RAPGEF5: variants seen among roughly 807,000 people sequenced by gnomAD.
The protein encoded by RAPGEF5 is Rap guanine nucleotide exchange factor 5.
A neutral mutation model predicts 125.2 loss-of-function variants in RAPGEF5; 65 were observed. That is an observed-to-expected ratio of 0.52 (90% confidence interval 0.43 to 0.64). The LOEUF (loss-of-function observed/expected upper bound fraction) is 0.64, where lower values mean the gene tolerates loss of function less well. RAPGEF5 is among the 30% of genes least tolerant of loss of function. The pLI is 0.00. For synonymous variants in RAPGEF5, 391 were observed against 385.9 expected (o/e 1.01, Z -0.16); for missense variants, 958 against 1,048.1 (o/e 0.91, Z 1.19).
At chr7:22,243,849 G>A (rs187161428) in intron 7 of RAPGEF5, among the ~76,000 whole-genome samples, 87 of 152,140 alleles carry the variant, frequency 5.7e-4, no homozygotes, top group Middle Eastern at 3.4e-3. Flanking sequence ...TATAGTCACC[G>A]TGCTGTGCAA....
At chr7:22,268,115 T>C (rs1782327868) in intron 6 of RAPGEF5, among the ~76,000 whole-genome samples, 1 of 152,200 alleles carries the variant, frequency 6.6e-6, no homozygotes, top group African/African-American at 2.4e-5. Context: ...TTGCTGCACT[T>C]TCCCTGATGG....
chr7:22,300,603 T>C (rs1300154279), intron 5 of RAPGEF5, among the ~76,000 whole-genome samples: 1 of 152,176 alleles, frequency 6.6e-6, no homozygotes, highest in African/African-American at 2.4e-5. Context: ...CTTGGGTCTG[T>C]CCCGCAGATG....
chr7:22,149,827 C>T (rs531983971), intron 18 of RAPGEF5, among the ~76,000 whole-genome samples: 5 of 152,168 alleles, frequency 3.3e-5, no homozygotes, highest in Non-Finnish European at 7.4e-5. Context: ...AATTAAAATT[C>T]GATGGGAGAA....
chr7:22,309,749 G>A (rs1783426258), intron 4 of RAPGEF5, among the ~76,000 whole-genome samples: 1 of 152,158 alleles, frequency 6.6e-6, no homozygotes, highest in African/African-American at 2.4e-5. Flanking sequence ...GGTAATATTA[G>A]TCTATGAATC....
At chr7:22,287,532 G>T (rs1216817001) in intron 6 of RAPGEF5, among the ~76,000 whole-genome samples, 1 of 152,154 alleles carries the variant, frequency 6.6e-6, no homozygotes, top group Non-Finnish European at 1.5e-5. Context: ...AGAGGGCACG[G>T]TTGACTGTAC....
At chr7:22,166,998 C>CA in intron 12 of RAPGEF5, 72 bp downstream of exon 12, 1 of 1,218,240 alleles carries the variant, frequency 8.2e-7, no homozygotes, top group East Asian at 2.4e-5. Context: ...TTAAGGAAGG[C>CA]AGTTAATTCC....
rs568135201 is a variant in RAPGEF5, at chr7:22,131,298, T to C, written c.2417-197A>G. ...TGCATAATTTATGTGTGTGTGTATA[T>C]GTGTGTGTGTAAAAACAGTGTGACC... On this transcript the variant is annotated intron_variant, in intron 23 of 25. Transcript: ENST00000665637. Among the ~76,000 whole-genome samples the C allele has an allele frequency of 2.0e-5, 3 of 152,306 alleles. No homozygotes were observed. The South Asian group carries it at 6.2e-4, about 32-fold the overall frequency.
chr7:22,134,122 TGA>T (rs1014017400), intron 23 of RAPGEF5, among the ~76,000 whole-genome samples: 5 of 152,228 alleles, frequency 3.3e-5, no homozygotes, highest in Non-Finnish European at 7.3e-5. Flanking sequence ...TTAAATTATG[TGA>T]TTAAAAAAGC....
intron 12 of RAPGEF5, among the ~76,000 whole-genome samples, chr7:22,163,634 T>C (rs1249674537): frequency 6.6e-6 from 1 of 152,156 alleles, no homozygotes; most frequent in Non-Finnish European, 1.5e-5. Context: ...TAAAATTACA[T>C]AAAAATAACA....
intron 11 of RAPGEF5, among the ~76,000 whole-genome samples, chr7:22,188,251 T>C (rs1387310389): frequency 1.3e-5 from 2 of 152,200 alleles, no homozygotes; most frequent in Non-Finnish European, 2.9e-5. Flanking sequence ...ATTCCAGGAA[T>C]GCTAAAAGGC....
At chr7:22,271,784 T>A (rs757867169) in intron 6 of RAPGEF5, among the ~76,000 whole-genome samples, 1 of 152,230 alleles carries the variant, frequency 6.6e-6, no homozygotes, top group African/African-American at 2.4e-5. Context: ...CCAACATGGC[T>A]GTTCACAAAA....
intron 18 of RAPGEF5, among the ~76,000 whole-genome samples, chr7:22,148,287 T>C (rs1202576095): frequency 1.3e-5 from 2 of 152,246 alleles, no homozygotes; most frequent in Non-Finnish European, 2.9e-5. Flanking sequence ...ATACTTCTAC[T>C]TGGCTCTTTG....
chr7:22,193,782 A>C (rs1264165556), intron 10 of RAPGEF5, 133 bp downstream of exon 10: 7 of 1,596,628 alleles, frequency 4.4e-6, no homozygotes, highest in Non-Finnish European at 5.1e-6. Context: ...AGAACGCTGG[A>C]GAGGCGGAGA....
intron 11 of RAPGEF5, among the ~76,000 whole-genome samples, 190 bp from the exon 12 acceptor site, chr7:22,167,338 A>G (rs1784202851): frequency 6.6e-6 from 1 of 152,218 alleles, no homozygotes; most frequent in Non-Finnish European, 1.5e-5. Context: ...AACTCCTTAT[A>G]TCAAATGCCT....
chr7:22,243,246 T>G (rs1032087421), intron 7 of RAPGEF5, among the ~76,000 whole-genome samples: 5 of 152,104 alleles, frequency 3.3e-5, no homozygotes, highest in South Asian at 4.2e-4. Flanking sequence ...AAAAAGTTTT[T>G]TTTGTTTGTT....
intron 7 of RAPGEF5, among the ~76,000 whole-genome samples, chr7:22,264,259 T>C (rs1005967823): frequency 7.9e-5 from 12 of 152,220 alleles, no homozygotes; most frequent in Admixed American, 5.9e-4. Context: ...GTTACTGGAA[T>C]ATACTGAACA....
At chr7:22,123,425 G>C (rs1204427148) in intron 25 of RAPGEF5, among the ~76,000 whole-genome samples, 1 of 152,188 alleles carries the variant, frequency 6.6e-6, no homozygotes, top group Non-Finnish European at 1.5e-5. Context: ...GAGTGGTGAA[G>C]ACATCATATC....
In RAPGEF5 at chr7:22,126,880, C is replaced by A. The variant is rs1337130637; in HGVS notation, c.2482-1222G>T. Among the ~76,000 whole-genome samples, 4 of 152,256 alleles carry A rather than the reference C, an allele frequency of 2.6e-5. No homozygotes were observed. In the East Asian group the frequency reaches 5.8e-4, roughly 22 times the overall value. On this transcript the variant is annotated intron_variant, in intron 24 of 25. Transcript: ENST00000665637. ...TCAGATAATCCAACCAAATTGGCCTCCCAGAATGCTGAGATTATAGGTGTG... is the reference window on the plus strand; with the variant it reads ...TCAGATAATCCAACCAAATTGGCCTACCAGAATGCTGAGATTATAGGTGTG...
intron 9 of RAPGEF5, among the ~76,000 whole-genome samples, chr7:22,202,451 G>C (rs1307831750): frequency 6.6e-6 from 1 of 152,050 alleles, no homozygotes; most frequent in Non-Finnish European, 1.5e-5. Flanking sequence ...AAATTCCAAA[G>C]CATTATCTAA....
Sources: gnomAD v4.1 joint callset for allele counts (sites outside exome capture counted in the v4.1 genomes callset) on GRCh38, gnomAD v4.1.1 for gene constraint, MANE v1.5 for transcripts, NCBI Gene and HGNC (gene_info 2026-07-23, HGNC 2026-07-21) for gene names.